DGKG: variants seen among roughly 807,000 people sequenced by gnomAD.
The protein encoded by DGKG is DAG kinase gamma.
DGKG carries 78 observed loss-of-function variants against 105.3 expected under a neutral mutation model. The ratio of observed to expected loss-of-function variants is 0.74; its 90% CI spans 0.62 to 0.89. The LOEUF (loss-of-function observed/expected upper bound fraction) is 0.89. DGKG is among the 40% of genes least tolerant of loss of function. The pLI is 0.00. For missense variants in DGKG, 958 were observed against 1,020.1 expected (o/e 0.94, Z 0.83); for synonymous variants, 346 against 367.1 (o/e 0.94, Z 0.66).
intron 3 of DGKG, among the ~76,000 whole-genome samples, chr3:186,300,445 T>C (rs961675641): frequency 2.0e-5 from 3 of 152,244 alleles, no homozygotes; most frequent in Non-Finnish European, 2.9e-5. Flanking sequence ...GTCTCATCTT[T>C]GGCCTCTCTG....
chr3:186,149,599 G>A lies in DGKG; in HGVS notation c.*491C>T. On this transcript the variant is annotated 3_prime_UTR_variant, in exon 25 of 25. Transcript: ENST00000265022. ...CCCTGCCAAGGATTATGCTCTGAGA[G>A]CCGGAGGCCGTTTTGTCTCTGTACA... is the stretch of plus-strand genomic sequence containing the variant. 1 of 986,022 alleles carries A rather than the reference G, an allele frequency of 1.0e-6. No individual in the cohort carries two copies. Among genetic ancestry groups the A allele is most frequent in the Non-Finnish European group, 1.2e-6 (1 of 830,122 alleles). 61.1% of individuals were successfully genotyped at this position (986,022 alleles called of 1,614,324 possible).
At chr3:186,257,223 A>G (rs747614668) in intron 17 of DGKG, among the ~76,000 whole-genome samples, 1 of 152,094 alleles carries the variant, frequency 6.6e-6, no homozygotes, top group East Asian at 1.9e-4. Context: ...GTAGGGTTAG[A>G]TCTTGACTCT....
At chr3:186,187,467 AG>A in intron 22 of DGKG, among the ~76,000 whole-genome samples, 1 of 152,130 alleles carries the variant, frequency 6.6e-6, no homozygotes, top group Middle Eastern at 3.2e-3. Flanking sequence ...TAAGGCTGTG[AG>A]TGGAGAAGGT....
chr3:186,221,576 C>T (rs1719583080), intron 20 of DGKG, among the ~76,000 whole-genome samples: 1 of 152,168 alleles, frequency 6.6e-6, no homozygotes, highest in Non-Finnish European at 1.5e-5. Flanking sequence ...AATGCTCACT[C>T]CTGAGGTTCT....
At chr3:186,304,957 C>T (rs114204160) in intron 3 of DGKG, among the ~76,000 whole-genome samples, 3 of 152,152 alleles carry the variant, frequency 2.0e-5, no homozygotes, top group Admixed American at 6.5e-5. Context: ...TTCTACAGTG[C>T]CCAGTACAGT....
At position 186,257,326 on chromosome 3, in the gene DGKG, A is replaced by G. The variant is rs143435157; in HGVS notation, c.1510+528T>C. 2.9e-3 allele frequency among the ~76,000 whole-genome samples: 447 copies of G among 152,356 alleles called. 1 individual carries two copies. The highest frequency in any genetic ancestry group is 0.01 in the African/African-American group (428 of 41,578). ...ATCCAGGTAGAGCTGGGTAGAACTCAGGCTACCAGCCTTCTGGCCTGGGCC... is the reference window on the plus strand; with the variant it reads ...ATCCAGGTAGAGCTGGGTAGAACTCGGGCTACCAGCCTTCTGGCCTGGGCC... On this transcript the variant is annotated intron_variant, in intron 17 of 24. Coordinates refer to ENST00000265022, the MANE Select transcript of DGKG (RefSeq NM_001346.3).
At chr3:186,299,678 T>A (rs1409248378) in intron 3 of DGKG, among the ~76,000 whole-genome samples, 3 of 152,172 alleles carry the variant, frequency 2.0e-5, no homozygotes, top group Non-Finnish European at 4.4e-5. Flanking sequence ...TGCCTCAGAA[T>A]GTCCCTTCCT....
intron 13 of DGKG, among the ~76,000 whole-genome samples, chr3:186,267,050 A>G (rs1231509030): frequency 1.3e-5 from 2 of 152,224 alleles, no homozygotes; most frequent in Non-Finnish European, 2.9e-5. Flanking sequence ...CACAGGCGAC[A>G]ACGTGCCAGG....
intron 22 of DGKG, among the ~76,000 whole-genome samples, chr3:186,184,142 T>C (rs1717501285): frequency 6.6e-6 from 1 of 152,138 alleles, no homozygotes; most frequent in Non-Finnish European, 1.5e-5. Context: ...AGGTTTGAGC[T>C]TATTATACTA....
At chr3:186,265,946 A>G (rs1400054298) in intron 13 of DGKG, among the ~76,000 whole-genome samples, 1 of 152,100 alleles carries the variant, frequency 6.6e-6, no homozygotes, top group Non-Finnish European at 1.5e-5. Context: ...CTGGGATTAC[A>G]GGTGTAAGCC....
At chr3:186,188,130 C>T (rs1717730081) in intron 22 of DGKG, 72 bp downstream of exon 22, 7 of 1,564,350 alleles carry the variant, frequency 4.5e-6, no homozygotes, top group East Asian at 4.5e-5. Flanking sequence ...CTTACGAGGC[C>T]TGCTGACATC....
At chr3:186,301,663 G>T (rs1723928049) in intron 3 of DGKG, among the ~76,000 whole-genome samples, 1 of 152,184 alleles carries the variant, frequency 6.6e-6, no homozygotes, top group South Asian at 2.1e-4. Flanking sequence ...AATTGCCCAT[G>T]GAACTGAATT....
intron 20 of DGKG, among the ~76,000 whole-genome samples, chr3:186,220,673 C>T (rs751606226): frequency 2.0e-5 from 3 of 152,194 alleles, no homozygotes; most frequent in Non-Finnish European, 2.9e-5. Flanking sequence ...CCCTGACACT[C>T]TTTAGCAGAG....
chr3:186,213,615 G>A (rs551414949), intron 20 of DGKG, among the ~76,000 whole-genome samples: 1 of 152,278 alleles, frequency 6.6e-6, no homozygotes, highest in South Asian at 2.1e-4. Flanking sequence ...TGGATCTGGA[G>A]ACTATGCCTG....
intron 1 of DGKG, among the ~76,000 whole-genome samples, chr3:186,345,043 C>T (rs4686422): frequency 1 from 152,011 of 152,330 alleles, 75,848 homozygotes; most frequent in Middle Eastern, 1. Flanking sequence ...TCCACCTCTA[C>T]CGTGTTTCCA....
At chr3:186,256,307 G>A (rs1282266621) in intron 17 of DGKG, among the ~76,000 whole-genome samples, 3 of 152,158 alleles carry the variant, frequency 2.0e-5, no homozygotes, top group Non-Finnish European at 4.4e-5. Context: ...TACAGCCCCC[G>A]GAGGCACGGC....
intron 20 of DGKG, among the ~76,000 whole-genome samples, chr3:186,216,550 T>C (rs1023810978): frequency 2.0e-5 from 3 of 152,230 alleles, no homozygotes; most frequent in South Asian, 4.1e-4. Flanking sequence ...ATTTCCTTAT[T>C]GCTACAAATA....
chr3:186,238,509 G>A (rs114020815), intron 20 of DGKG, among the ~76,000 whole-genome samples: 300 of 152,142 alleles, frequency 2.0e-3, no homozygotes, highest in Non-Finnish European at 3.3e-3. Context: ...GCTAGACGAC[G>A]ATTTCCTTGA....
chr3:186,295,660 AG>A (rs1326925615), intron 5 of DGKG, among the ~76,000 whole-genome samples: 6 of 147,420 alleles, frequency 4.1e-5, no homozygotes, highest in Non-Finnish European at 9.0e-5. Flanking sequence ...AAAAAAAAAA[AG>A]GTCTGACTCT....
Sources: gnomAD v4.1 joint callset for allele counts (sites outside exome capture counted in the v4.1 genomes callset) on GRCh38, gnomAD v4.1.1 for gene constraint, MANE v1.5 for transcripts, NCBI Gene and HGNC (gene_info 2026-07-23, HGNC 2026-07-21) for gene names.